ZSCAN25: variants seen among roughly 807,000 people sequenced by gnomAD.
The protein encoded by ZSCAN25 is zinc finger and SCAN domain containing 25.
Under a neutral mutation model 38.7 loss-of-function variants are expected in ZSCAN25, and 27 were observed. The ratio of observed to expected loss-of-function variants is 0.70; its 90% CI spans 0.51 to 0.96. The LOEUF is 0.96. Ranked by LOEUF, ZSCAN25 falls within the 40% of genes least tolerant of loss-of-function variation. The pLI is 0.00. For synonymous variants in ZSCAN25, 273 were observed against 277.7 expected (o/e 0.98, Z 0.17); for missense variants, 637 against 705.9 (o/e 0.90, Z 1.11).
the ZSCAN25 span, among the ~76,000 whole-genome samples, chr7:99,728,640 G>A: frequency 2.0e-5 from 3 of 152,158 alleles, no homozygotes; most frequent in African/African-American, 7.2e-5. Context: ...ATGTACACTA[G>A]TATTTCTTAT....
chr7:99,726,016 G>C, the ZSCAN25 span, among the ~76,000 whole-genome samples: 3 of 152,266 alleles, frequency 2.0e-5, no homozygotes, highest in South Asian at 2.1e-4. Flanking sequence ...CCACCTGCCA[G>C]TTCCCTTATT....
At chr7:99,644,995 G>T in the ZSCAN25 span, among the ~76,000 whole-genome samples, 1 of 152,044 alleles carries the variant, frequency 6.6e-6, no homozygotes. Context: ...CCAGAGCTAG[G>T]TTCACTTCAG....
At chr7:99,645,877 C>T in the ZSCAN25 span, among the ~76,000 whole-genome samples, 1 of 151,882 alleles carries the variant, frequency 6.6e-6, no homozygotes, top group East Asian at 1.9e-4. Context: ...ATTTCTTTTC[C>T]CCAGTCTGTG....
At chr7:99,656,804 T>C in the ZSCAN25 span, among the ~76,000 whole-genome samples, 1 of 152,196 alleles carries the variant, frequency 6.6e-6, no homozygotes, top group African/African-American at 2.4e-5. Flanking sequence ...CCTGGTTTAG[T>C]CTTGGGAGAG....
chr7:99,651,875 G>A, the ZSCAN25 span, among the ~76,000 whole-genome samples: 1 of 152,218 alleles, frequency 6.6e-6, no homozygotes, highest in Admixed American at 6.5e-5. Flanking sequence ...GCACAGGACT[G>A]CAGCCACAGA....
At chr7:99,622,789 T>G in intron 6 of ZSCAN25, 149 bp downstream of exon 6, 1 of 699,604 alleles carries the variant, frequency 1.4e-6, no homozygotes, top group South Asian at 1.9e-5. Flanking sequence ...ATGGTGTGGT[T>G]TCCTCCACTG....
At chr7:99,714,544 C>A in the ZSCAN25 span, 52 of 1,612,168 alleles carry the variant, frequency 3.2e-5, no homozygotes, top group Non-Finnish European at 4.1e-5. Flanking sequence ...ATAACTACCA[C>A]CACGTTTTAC....
chr7:99,708,197 AG>A, the ZSCAN25 span, among the ~76,000 whole-genome samples: 1 of 152,272 alleles, frequency 6.6e-6, no homozygotes, highest in South Asian at 2.1e-4. Flanking sequence ...TCTTGTTGAG[AG>A]GAGATAAATA....
chr7:99,728,159 T>C, the ZSCAN25 span, among the ~76,000 whole-genome samples: 1 of 152,332 alleles, frequency 6.6e-6, no homozygotes, highest in African/African-American at 2.4e-5. Flanking sequence ...AGATGGTTCT[T>C]AGACCAAGAA....
chr7:99,674,012 T>C, the ZSCAN25 span, among the ~76,000 whole-genome samples: 19 of 152,226 alleles, frequency 1.2e-4, no homozygotes, highest in African/African-American at 3.9e-4. Flanking sequence ...ACCAAAGTGA[T>C]GTCACTAATT....
the ZSCAN25 span, chr7:99,652,756 C>G: frequency 6.2e-7 from 1 of 1,613,500 alleles, no homozygotes; most frequent in Non-Finnish European, 8.5e-7. Context: ...CCATCTGTAC[C>G]ACGGCATCAT....
intron 7 of ZSCAN25, 187 bp downstream of exon 7, chr7:99,624,367 G>C (rs1172730802): frequency 3.0e-6 from 2 of 655,914 alleles, no homozygotes; most frequent in African/African-American, 3.6e-5. Flanking sequence ...CCAAATGATG[G>C]AGCAGGAAAA....
chr7:99,632,986 G>GTTGTTGTTTTTTTTTTTTTTTTTTT (rs1808107818), downstream of ZSCAN25, among the ~76,000 whole-genome samples: 1 of 141,482 alleles, frequency 7.1e-6, no homozygotes, highest in African/African-American at 2.8e-5. Context: ...TGCATTTTCT[G>GTTGTTGTTTTTTTTTTTTTTTTTTT]TTGTTTTTTT....
the ZSCAN25 span, among the ~76,000 whole-genome samples, chr7:99,656,689 C>T: frequency 5.3e-5 from 8 of 152,110 alleles, no homozygotes; most frequent in Admixed American, 1.3e-4. Context: ...TGGTAGAATT[C>T]GGCGGTGAAT....
At chr7:99,655,954 G>A in the ZSCAN25 span, among the ~76,000 whole-genome samples, 2 of 152,152 alleles carry the variant, frequency 1.3e-5, no homozygotes, top group Admixed American at 1.3e-4. Context: ...TGCTGAAGTT[G>A]TTTATCAGCT....
rs538245713 is a variant in ZSCAN25 at position 99,619,903 on chromosome 7, C to T, written c.297C>T (p.Tyr99=). The T allele has an allele frequency of 4.3e-5, 69 of 1,614,112 alleles. 1 individual carries two copies. Among genetic ancestry groups the T allele is most frequent in the South Asian group, 1.9e-4 (17 of 91,094 alleles). ...QFLTILPREF[Y]AWIREHGPES... is the part of the protein sequence containing the mutation. ...TCACTATCCTGCCCCGCGAGTTCTA[C>T]GCCTGGATCCGGGAGCATGGCCCAG... Residue 99 remains tyrosine, a synonymous_variant, in exon 4 of 8, where the codon TAC becomes TAT. Coordinates refer to ENST00000394152, the MANE Select transcript of ZSCAN25 (RefSeq NM_145115.3).
At chr7:99,648,515 C>CT in the ZSCAN25 span, 1 of 698,440 alleles carries the variant, frequency 1.4e-6, no homozygotes, top group Non-Finnish European at 2.4e-6. Flanking sequence ...AAAAACGACT[C>CT]TTAACACCAT....
the ZSCAN25 span, among the ~76,000 whole-genome samples, chr7:99,688,861 G>A: frequency 6.6e-6 from 1 of 152,056 alleles, no homozygotes; most frequent in South Asian, 2.1e-4. Context: ...GGATTAAGAA[G>A]CTCACTCAAA....
rs936639217 is a variant in ZSCAN25 at position 99,629,750 on chromosome 7, G to A, written c.1365G>A (p.Gly455=). The A allele has an allele frequency of 1.2e-6, 2 of 1,614,094 alleles. No homozygotes were observed. The highest frequency in any genetic ancestry group is 1.7e-6 in the Non-Finnish European group (2 of 1,180,036). The part of the protein sequence containing the change: ...HLQVHRRTHT[G]EKPYTCECGK... ...AGGTGCACCGGAGGACGCACACCGG[G>A]GAGAAGCCCTACACCTGCGAGTGTG... The change falls in exon 8 of 8, where the codon GGG becomes GGA. Residue 455 remains glycine (G), a synonymous_variant. Coordinates refer to ENST00000394152, the MANE Select transcript of ZSCAN25 (RefSeq NM_145115.3). The surrounding 1 kb of genome is among the most constrained non-coding windows in gnomAD (Gnocchi z 5.6).
Sources: allele counts gnomAD v4.1 joint callset (sites outside exome capture counted in the v4.1 genomes callset), GRCh38; gene constraint gnomAD v4.1.1; non-coding constraint Gnocchi (gnomAD v3.1); transcripts MANE v1.5; gene names NCBI Gene and HGNC (gene_info 2026-07-23, HGNC 2026-07-21).